Variants in SMYD3 observed in about 807,000 individuals in gnomAD.
SMYD3 encodes the protein SET and MYND domain containing 3.
SMYD3 carries 36 observed loss-of-function variants against 57.7 expected under a neutral mutation model. The ratio of observed to expected loss-of-function variants is 0.62; its 90% CI spans 0.48 to 0.82. SMYD3 has a LOEUF of 0.82. Ranked by LOEUF, SMYD3 falls within the 40% of genes least tolerant of loss-of-function variation. SMYD3 has a pLI of 0.00. For synonymous variants in SMYD3, 211 were observed against 195.0 expected (o/e 1.08, Z -0.68); for missense variants, 515 against 538.8 (o/e 0.96, Z 0.44).
chr1:245,916,711 A>C (rs2055450287), intron 7 of SMYD3, among the ~76,000 whole-genome samples: 1 of 152,178 alleles, frequency 6.6e-6, no homozygotes, highest in African/African-American at 2.4e-5. Flanking sequence ...AAAATGTAAT[A>C]GTCTCACAAC....
chr1:246,222,146 TC>T (rs1279016231), intron 5 of SMYD3, among the ~76,000 whole-genome samples: 6 of 152,240 alleles, frequency 3.9e-5, no homozygotes, highest in African/African-American at 1.4e-4. Context: ...AGATAAAATA[TC>T]CACTGTTGTA....
chr1:245,847,321 AAG>A (rs1353487106), intron 10 of SMYD3, among the ~76,000 whole-genome samples: 2 of 152,200 alleles, frequency 1.3e-5, no homozygotes, highest in African/African-American at 2.4e-5. Context: ...AAGGTCTGAC[AAG>A]TTAGTTTTAT....
chr1:245,981,476 A>ATACATT (rs1465616409), intron 5 of SMYD3, among the ~76,000 whole-genome samples: 2 of 152,254 alleles, frequency 1.3e-5, no homozygotes, highest in Non-Finnish European at 2.9e-5. Context: ...TTCTATGTAT[A>ATACATT]TACATTTACA....
At chr1:246,178,824 CA>C (rs11362321) in intron 5 of SMYD3, 10,731 of 144,050 alleles carry the variant, frequency 0.074, 534 homozygotes, top group African/African-American at 0.14. Flanking sequence ...TATTTGTGAC[CA>C]AAAAAAAAAA....
intron 1 of SMYD3, 111 bp downstream of exon 1, chr1:246,506,943 G>T: frequency 9.2e-7 from 1 of 1,088,262 alleles, no homozygotes; most frequent in Non-Finnish European, 1.2e-6. Context: ...CAAGCTGCCT[G>T]TGCAGCCCCA....
chr1:246,500,764 T>A (rs957128946), intron 1 of SMYD3, among the ~76,000 whole-genome samples: 1 of 152,198 alleles, frequency 6.6e-6, no homozygotes, highest in African/African-American at 2.4e-5. Flanking sequence ...GAAGAACAAC[T>A]TACTGCTATC....
chr1:246,018,443 A>G (rs1045187696), intron 5 of SMYD3, among the ~76,000 whole-genome samples: 1 of 152,210 alleles, frequency 6.6e-6, no homozygotes, highest in African/African-American at 2.4e-5. Context: ...GCTCTGCCTC[A>G]TCTCATGACT....
rs553323319 is a variant in SMYD3, at chr1:246,370,597, G to A, written c.165-15503C>T. On this transcript the variant is annotated intron_variant, in intron 1 of 11. Transcript: ENST00000490107. ...AACTATGAGATAATCTATATGGAGC[G>A]CCTGCTAACACAGCACCAAGCAAAG... is the stretch of plus-strand genomic sequence containing the variant. Among the ~76,000 whole-genome samples the A allele has an allele frequency of 1.6e-4, 24 of 152,250 alleles. No individual in the cohort carries two copies. The East Asian group carries it at 2.3e-3, about 15-fold the overall frequency.
chr1:246,341,398 C>A (rs1044105652), intron 2 of SMYD3, among the ~76,000 whole-genome samples: 7 of 152,082 alleles, frequency 4.6e-5, no homozygotes, highest in African/African-American at 1.7e-4. Flanking sequence ...TCAGTAAATT[C>A]TTTTATTAGT....
intron 5 of SMYD3, among the ~76,000 whole-genome samples, chr1:245,963,235 T>C (rs2058055557): frequency 6.6e-6 from 1 of 152,194 alleles, no homozygotes; most frequent in African/African-American, 2.4e-5. Flanking sequence ...AATACCACTT[T>C]GCATCTTATA....
chr1:246,080,211 G>A (rs12064064), intron 5 of SMYD3, among the ~76,000 whole-genome samples: 11,847 of 152,180 alleles, frequency 0.078, 1,387 homozygotes, highest in African/African-American at 0.25. Flanking sequence ...TAGGAACTGG[G>A]TCACACGGCA....
chr1:246,391,377 TGAGA>T (rs746811956), intron 1 of SMYD3, among the ~76,000 whole-genome samples: 21 of 117,450 alleles, frequency 1.8e-4, no homozygotes, highest in Non-Finnish European at 3.0e-4. Context: ...GAGACCTTAT[TGAGA>T]GAGAGAGAGA....
Position 245,862,328 on chromosome 1 carries a change from A to T in SMYD3, c.901+1471T>A, listed in dbSNP as rs1260196594. On this transcript the variant is annotated intron_variant, in intron 9 of 11. Coordinates refer to ENST00000490107, the MANE Select transcript of SMYD3 (RefSeq NM_001167740.2). Reference sequence around the variant, plus strand: ...AGTACTAAGATTATATTATACTCTTAAATGTTGTTAAATTTTGCTATTTAC... The same window carrying T: ...AGTACTAAGATTATATTATACTCTTTAATGTTGTTAAATTTTGCTATTTAC... 6.6e-5 allele frequency among the ~76,000 whole-genome samples: 10 copies of T among 152,106 alleles called. No homozygotes were observed. The East Asian group carries it at 1.9e-3, about 29-fold the overall frequency.
At chr1:246,139,753 T>C (rs552506386) in intron 5 of SMYD3, among the ~76,000 whole-genome samples, 1 of 152,330 alleles carries the variant, frequency 6.6e-6, no homozygotes, top group Admixed American at 6.5e-5. Context: ...ATTTCTCCAA[T>C]TTTGTTTTGT....
intron 5 of SMYD3, among the ~76,000 whole-genome samples, chr1:246,194,083 C>G (rs747221058): frequency 6.6e-6 from 1 of 152,100 alleles, no homozygotes; most frequent in Non-Finnish European, 1.5e-5. Flanking sequence ...CTAAAGGTTC[C>G]TCATACCATC....
chr1:246,338,709 C>G (rs1176815133), intron 2 of SMYD3, among the ~76,000 whole-genome samples: 1 of 152,086 alleles, frequency 6.6e-6, no homozygotes, highest in Non-Finnish European at 1.5e-5. Context: ...ATGCATGACT[C>G]AAAAAACAAC....
intron 5 of SMYD3, among the ~76,000 whole-genome samples, chr1:246,233,451 A>T (rs2063455248): frequency 7.4e-6 from 1 of 135,652 alleles, no homozygotes; most frequent in African/African-American, 2.8e-5. Flanking sequence ...CCTTCAATCC[A>T]CACTGTGATG....
At chr1:245,775,283 GT>G (rs1279290585) in intron 10 of SMYD3, among the ~76,000 whole-genome samples, 1 of 152,236 alleles carries the variant, frequency 6.6e-6, no homozygotes, top group Non-Finnish European at 1.5e-5. Flanking sequence ...AAGGGGGGAA[GT>G]GTGGGGAAAG....
At chr1:246,090,193 A>G (rs908243264) in intron 5 of SMYD3, among the ~76,000 whole-genome samples, 5 of 152,246 alleles carry the variant, frequency 3.3e-5, no homozygotes, top group African/African-American at 1.2e-4. Flanking sequence ...AAGAAAAGAT[A>G]CAGAAAAATT....
Sources: gnomAD v4.1 joint callset for allele counts (sites outside exome capture counted in the v4.1 genomes callset) on GRCh38, gnomAD v4.1.1 for gene constraint, MANE v1.5 for transcripts, NCBI Gene and HGNC (gene_info 2026-07-23, HGNC 2026-07-21) for gene names.